The following MVB12B variants were observed in gnomAD, a reference collection of about 807,000 sequenced individuals.
MVB12B encodes the protein multivesicular body subunit 12B.
Under a neutral mutation model 41.6 loss-of-function variants are expected in MVB12B, and 16 were observed. The ratio of observed to expected loss-of-function variants is 0.38; its 90% CI spans 0.26 to 0.58. The LOEUF (loss-of-function observed/expected upper bound fraction) is 0.58. Among genes scored for constraint, MVB12B ranks in the 20% least tolerant of loss-of-function variants. The probability of loss-of-function intolerance (pLI) is 0.62; values close to 1 mark genes in which losing one functional copy is unlikely to be tolerated. For synonymous variants in MVB12B, 133 were observed against 139.7 expected, an observed-to-expected ratio of 0.95 and a Z score of 0.34; for missense variants, 274 against 380.2, an observed-to-expected ratio of 0.72 and a Z score of 2.32.
chr9:126,420,374 G>A (rs1277712622), intron 6 of MVB12B, among the ~76,000 whole-genome samples: 3 of 152,168 alleles, frequency 2.0e-5, no homozygotes, highest in Admixed American at 2.0e-4. Context: ...CGTACAGTTG[G>A]TGCTTGATTC....
intron 9 of MVB12B, among the ~76,000 whole-genome samples, chr9:126,487,206 G>A (rs1309866973): frequency 1.3e-5 from 2 of 152,206 alleles, no homozygotes; most frequent in African/African-American, 4.8e-5. Flanking sequence ...ATAGTGCTTA[G>A]TCCAGAGTCT....
chr9:126,430,473 T>C (rs1009343745), intron 7 of MVB12B, among the ~76,000 whole-genome samples: 59 of 152,192 alleles, frequency 3.9e-4, no homozygotes, highest in Non-Finnish European at 7.8e-4. Flanking sequence ...CTGCTGATGC[T>C]CTCTCCTGGT....
rs183096541 is a variant in MVB12B, at chr9:126,426,336, T to C, written c.757+4388T>C. ...CTTACCTTGCTGACTGTAGCTTTCC[T>C]GGTGCTGGTCTTACTGGTGTGACCC... On this transcript the variant is annotated intron_variant, in intron 7 of 9. Transcript: ENST00000361171. Among the ~76,000 whole-genome samples the C allele has an allele frequency of 2.6e-5, 4 of 152,358 alleles. No homozygotes were observed. The East Asian group carries it at 7.7e-4, about 29-fold the overall frequency.
chr9:126,431,684 G>GA (rs1254000375), intron 7 of MVB12B, among the ~76,000 whole-genome samples: 1 of 152,120 alleles, frequency 6.6e-6, no homozygotes, highest in South Asian at 2.1e-4. Context: ...TCTTAACTTG[G>GA]AAAAGGGTTA....
chr9:126,441,726 G>C (rs1832645389), intron 7 of MVB12B, among the ~76,000 whole-genome samples: 1 of 152,178 alleles, frequency 6.6e-6, no homozygotes, highest in East Asian at 1.9e-4. Context: ...CTGTAAGTTT[G>C]ATCCATGTGG....
rs764241874 is a variant in MVB12B at position 126,503,160 on chromosome 9, C to T, written c.874-17C>T. Reference sequence around the variant, plus strand: ...CATGGACTGACTGTGTCTCTCTGTCCCCACCCGCCCCTGCAGTACGAGTAC... The same window carrying T: ...CATGGACTGACTGTGTCTCTCTGTCTCCACCCGCCCCTGCAGTACGAGTAC... On this transcript the variant is annotated splice_polypyrimidine_tract_variant and intron_variant, in intron 9 of 9. Coordinates refer to ENST00000361171, the MANE Select transcript of MVB12B (RefSeq NM_033446.3). 24 of 1,547,562 alleles carry T rather than the reference C, an allele frequency of 1.6e-5. No individual in the cohort carries two copies. The highest frequency in any genetic ancestry group is 1.9e-5 in the Non-Finnish European group (22 of 1,144,242).
At position 126,340,627 on chromosome 9, in the gene MVB12B, C is replaced by T. The variant is rs140089266; in HGVS notation, c.201C>T (p.Asp67=). The T allele has an allele frequency of 2.4e-4, 389 of 1,613,958 alleles. 1 individual carries two copies. Among genetic ancestry groups the T allele is most frequent in the East Asian group, 6.0e-4 (27 of 44,872 alleles). The part of the protein sequence containing the change: ...ASRNRAPTGY[D]VVAQTADGVD... The stretch of plus-strand genomic sequence containing the variant: ...GGAACCGAGCCCCGACAGGCTATGA[C>T]GTAGTAAGTCAAGATACTAGTTTGT... The change falls in exon 2 of 10, where the codon GAC becomes GAT. Residue 67 remains aspartate (D), a synonymous_variant. Coordinates refer to ENST00000361171, the MANE Select transcript of MVB12B (RefSeq NM_033446.3). This position sits in a 1 kb window ranked among gnomAD's most constrained non-coding sequence, Gnocchi z 4.0.
chr9:126,358,308 C>G (rs1340041081), intron 2 of MVB12B, among the ~76,000 whole-genome samples: 1 of 150,256 alleles, frequency 6.7e-6, no homozygotes, highest in African/African-American at 2.5e-5. Flanking sequence ...AATTTTAATA[C>G]AAATTTAAGA....
intron 6 of MVB12B, among the ~76,000 whole-genome samples, chr9:126,402,671 C>T (rs949625589): frequency 2.0e-5 from 3 of 151,810 alleles, no homozygotes; most frequent in South Asian, 2.1e-4. Context: ...AAGAAGAAGA[C>T]GAGGGCTTGG....
At chr9:126,469,571 C>T (rs1833271332) in intron 7 of MVB12B, among the ~76,000 whole-genome samples, 1 of 152,258 alleles carries the variant, frequency 6.6e-6, no homozygotes, top group South Asian at 2.1e-4. Flanking sequence ...CCATGCCTGT[C>T]AGGCCCTTGC....
At chr9:126,443,312 T>C (rs1378800130) in intron 7 of MVB12B, among the ~76,000 whole-genome samples, 1 of 152,116 alleles carries the variant, frequency 6.6e-6, no homozygotes, top group Non-Finnish European at 1.5e-5. Context: ...CCACCAATCA[T>C]TGAGGGCCAG....
In MVB12B at chr9:126,386,135, T is replaced by C. The variant is rs1171742929; in HGVS notation, c.313-427T>C. ...GCAGACTGGTGATCACTTAGGAGAG[T>C]GATTGGTTCCCTGTTAGGTTTAGAT... On this transcript the variant is annotated intron_variant, in intron 3 of 9. Transcript: ENST00000361171. This position sits in a 1 kb window ranked among gnomAD's most constrained non-coding sequence, Gnocchi z 4.3. 6.6e-6 allele frequency among the ~76,000 whole-genome samples: 1 copy of C among 151,984 alleles called. No homozygotes were observed. The highest frequency in any genetic ancestry group is 1.5e-5 in the Non-Finnish European group (1 of 68,008).
chr9:126,428,394 T>C (rs991887682), intron 7 of MVB12B, among the ~76,000 whole-genome samples: 2 of 152,168 alleles, frequency 1.3e-5, no homozygotes, highest in Admixed American at 1.3e-4. Context: ...GAAAAAAATG[T>C]GTATCTTACA....
At chr9:126,464,281 A>G (rs960483873) in intron 7 of MVB12B, among the ~76,000 whole-genome samples, 9 of 152,040 alleles carry the variant, frequency 5.9e-5, no homozygotes, top group Non-Finnish European at 1.3e-4. Flanking sequence ...ATAGGAAAGG[A>G]CTCTCCAGGC....
At chr9:126,498,852 C>A (rs1334693705) in intron 9 of MVB12B, among the ~76,000 whole-genome samples, 1 of 152,214 alleles carries the variant, frequency 6.6e-6, no homozygotes, top group Non-Finnish European at 1.5e-5. Context: ...CTTGCCTTCC[C>A]CTCTGGTGAT....
intron 2 of MVB12B, among the ~76,000 whole-genome samples, chr9:126,374,558 G>A (rs924676248): frequency 6.6e-6 from 1 of 152,182 alleles, no homozygotes; most frequent in African/African-American, 2.4e-5. Context: ...GCCAGGTCCC[G>A]AAAGGTTTGT....
chr9:126,461,985 G>C (rs76450100), intron 7 of MVB12B, among the ~76,000 whole-genome samples: 1 of 152,314 alleles, frequency 6.6e-6, no homozygotes, highest in South Asian at 2.1e-4. Context: ...AAGAGGCTTC[G>C]CTGAGTCTGT....
intron 7 of MVB12B, among the ~76,000 whole-genome samples, chr9:126,475,554 A>T (rs1833403439): frequency 6.6e-6 from 1 of 152,138 alleles, no homozygotes; most frequent in Non-Finnish European, 1.5e-5. Flanking sequence ...TGGGCAGATT[A>T]TCTGCTTAGC....
At chr9:126,408,532 A>G (rs1831517541) in intron 6 of MVB12B, 1 of 152,048 alleles carries the variant, frequency 6.6e-6, no homozygotes, top group Admixed American at 6.5e-5. Context: ...GGCCACTGCA[A>G]ATGGAGCCTT....
Sources: allele counts gnomAD v4.1 joint callset (sites outside exome capture counted in the v4.1 genomes callset), GRCh38; gene constraint gnomAD v4.1.1; non-coding constraint Gnocchi (gnomAD v3.1); transcripts MANE v1.5; gene names NCBI Gene and HGNC (gene_info 2026-07-23, HGNC 2026-07-21).